The following DSCAM variants were observed in gnomAD, a reference collection of about 807,000 sequenced individuals.
The protein encoded by DSCAM is DS cell adhesion molecule, also known as cell adhesion molecule DSCAM.
In DSCAM, 47 loss-of-function variants were observed where a neutral mutation model predicts 217.7. That is an observed-to-expected ratio of 0.22 (90% CI 0.17 to 0.28). DSCAM has a LOEUF of 0.28. DSCAM is among the 10% of genes least tolerant of loss of function. The pLI is 1.00. For missense variants in DSCAM, 2,080 were observed against 2,618.3 expected (o/e 0.79, Z 4.49); for synonymous variants, 1,056 against 1,015.3 (o/e 1.04, Z -0.76).
At chr21:40,732,418 A>G (rs1029498189) in intron 1 of DSCAM, among the ~76,000 whole-genome samples, 1 of 152,220 alleles carries the variant, frequency 6.6e-6, no homozygotes, top group African/African-American at 2.4e-5. Context: ...ACTCAGCAAT[A>G]TCTAGTCTCT....
In DSCAM at chr21:40,501,839, C is replaced by T. The variant is rs11910569; in HGVS notation, c.509-132594G>A. Reference sequence around the variant, plus strand: ...ACTCCCGACCTCAGGTGATCCACCCCCACCTTGGCCTCCCAAAGTGCTGGG... The same window carrying T: ...ACTCCCGACCTCAGGTGATCCACCCTCACCTTGGCCTCCCAAAGTGCTGGG... On this transcript the variant is annotated intron_variant, in intron 3 of 32. Transcript: ENST00000400454. Among the ~76,000 whole-genome samples the T allele has an allele frequency of 8.8e-3, 1,339 of 152,288 alleles. 23 individuals carry two copies. Among genetic ancestry groups the T allele is most frequent in the African/African-American group, 0.03 (1,267 of 41,556 alleles).
chr21:40,687,368 G>C (rs2090490672), intron 3 of DSCAM, among the ~76,000 whole-genome samples: 1 of 152,080 alleles, frequency 6.6e-6, no homozygotes, highest in Non-Finnish European at 1.5e-5. Context: ...TTTGAGGGCA[G>C]ACTCAGGTCT....
chr21:40,110,817 G>T (rs2089889323), intron 20 of DSCAM, among the ~76,000 whole-genome samples: 1 of 152,214 alleles, frequency 6.6e-6, no homozygotes, highest in South Asian at 2.1e-4. Context: ...GGGTATCAGT[G>T]ATGGAAGATC....
rs1601221327 is a variant in DSCAM, at chr21:40,011,606, C to T, written c.*1428G>A. 7.8e-6 allele frequency: 1 copy of T among 127,842 alleles called. No homozygotes were observed. Among genetic ancestry groups the T allele is most frequent in the Non-Finnish European group, 1.7e-5 (1 of 60,406 alleles). The allele number at this position is 127,842 out of a possible 1,614,324, so 7.9% of individuals were successfully genotyped here. On this transcript the variant is annotated 3_prime_UTR_variant, in exon 33 of 33. Transcript: ENST00000400454. ...GTTGCAGCCAGGGGAGGATTACATC[C>T]TCTTTCATAAAGCAAACCCTGTGAG...
intron 3 of DSCAM, among the ~76,000 whole-genome samples, chr21:40,638,229 G>A (rs945234686): frequency 5.3e-5 from 8 of 152,094 alleles, no homozygotes; most frequent in South Asian, 4.1e-4. Context: ...TGCTGTGTAC[G>A]TCAGGTGTTG....
chr21:40,635,474 G>C (rs553768988), intron 3 of DSCAM, among the ~76,000 whole-genome samples: 1 of 152,262 alleles, frequency 6.6e-6, no homozygotes, highest in South Asian at 2.1e-4. Context: ...AAGAAAGAGA[G>C]AGGGAGGCAG....
intron 32 of DSCAM, among the ~76,000 whole-genome samples, chr21:40,020,912 G>A (rs930509990): frequency 1.3e-5 from 2 of 152,278 alleles, no homozygotes; most frequent in African/African-American, 4.8e-5. Context: ...TGAGGCCAAT[G>A]CCCTTCCTGT....
At chr21:40,291,773 C>A (rs2073895628) in intron 10 of DSCAM, among the ~76,000 whole-genome samples, 1 of 152,216 alleles carries the variant, frequency 6.6e-6, no homozygotes, top group Admixed American at 6.5e-5. Context: ...CGTCACCCCC[C>A]AGGCATGCTC....
At chr21:40,606,067 C>G (rs547671198) in intron 3 of DSCAM, among the ~76,000 whole-genome samples, 1 of 152,132 alleles carries the variant, frequency 6.6e-6, no homozygotes, top group South Asian at 2.1e-4. Flanking sequence ...TCCCAAAGTG[C>G]TGGGATTACA....
Position 40,079,968 on chromosome 21 carries a change from G to A in DSCAM, c.4420+184C>T, listed in dbSNP as rs544692465. Among the ~76,000 whole-genome samples the A allele has an allele frequency of 3.9e-5, 6 of 152,172 alleles. No homozygotes were observed. In the East Asian group the frequency reaches 9.8e-4, roughly 25 times the overall value. ...CTGCAAATGAAACAATAAAAGAGAG[G>A]ACCAGAACACTCTGGAAGGTCCAGC... On this transcript the variant is annotated intron_variant, in intron 25 of 32. Transcript: ENST00000400454.
At chr21:40,402,215 C>T (rs977860927) in intron 3 of DSCAM, among the ~76,000 whole-genome samples, 3 of 150,984 alleles carry the variant, frequency 2.0e-5, no homozygotes, top group South Asian at 4.2e-4. Context: ...TACAGGCGCC[C>T]GCCACCACGC....
chr21:40,235,464 T>C (rs1164958495), intron 11 of DSCAM, among the ~76,000 whole-genome samples: 1 of 152,216 alleles, frequency 6.6e-6, no homozygotes, highest in Admixed American at 6.5e-5. Flanking sequence ...AGCTGCTACT[T>C]CGGTCTGTGT....
rs201136600 is a variant in DSCAM at position 40,679,785 on chromosome 21, A to AG, written c.508+13024dup. Among the ~76,000 whole-genome samples, 192 of 152,352 alleles carry AG rather than the reference A, an allele frequency of 1.3e-3. 4 individuals carry two copies. The East Asian group carries it at 0.032, about 25-fold the overall frequency. ...TTATTTTAAAATCCTACAGACTATT[A>AG]GTTCAATAGCATTCTAATGCTTTTA... On this transcript the variant is annotated intron_variant, in intron 3 of 32. Coordinates refer to ENST00000400454, the MANE Select transcript of DSCAM (RefSeq NM_001389.5).
At chr21:40,394,360 C>A (rs2075160137) in intron 3 of DSCAM, among the ~76,000 whole-genome samples, 1 of 152,224 alleles carries the variant, frequency 6.6e-6, no homozygotes, top group Non-Finnish European at 1.5e-5. Context: ...ACAATCTAGG[C>A]TTGCCTGACT....
intron 3 of DSCAM, among the ~76,000 whole-genome samples, chr21:40,464,354 G>A (rs1313849444): frequency 1.3e-5 from 2 of 152,214 alleles, no homozygotes; most frequent in African/African-American, 4.8e-5. Flanking sequence ...TAGGTAGCAT[G>A]TTAGAAAGTG....
chr21:40,252,099 A>T (rs2073312632), intron 11 of DSCAM, among the ~76,000 whole-genome samples: 1 of 152,180 alleles, frequency 6.6e-6, no homozygotes, highest in South Asian at 2.1e-4. Context: ...GACATTGAGA[A>T]AGCTGTTTGT....
intron 8 of DSCAM, among the ~76,000 whole-genome samples, chr21:40,319,283 T>G (rs369446002): frequency 1.5e-4 from 23 of 152,232 alleles, no homozygotes; most frequent in African/African-American, 5.5e-4. Flanking sequence ...CTGGCCACAT[T>G]CTCCATTCTA....
At chr21:40,357,805 T>C (rs2074711516) in intron 4 of DSCAM, among the ~76,000 whole-genome samples, 1 of 151,846 alleles carries the variant, frequency 6.6e-6, no homozygotes, top group Non-Finnish European at 1.5e-5. Flanking sequence ...GGCACATGTA[T>C]ATATATGTAA....
intron 3 of DSCAM, among the ~76,000 whole-genome samples, chr21:40,549,778 G>A (rs60937574): frequency 0.035 from 5,359 of 152,210 alleles, 322 homozygotes; most frequent in African/African-American, 0.12. Context: ...CAGGGAGAAG[G>A]GCTGTGGTGA....
Sources: gnomAD v4.1 joint callset for allele counts (sites outside exome capture counted in the v4.1 genomes callset) on GRCh38, gnomAD v4.1.1 for gene constraint, MANE v1.5 for transcripts, NCBI Gene and HGNC (gene_info 2026-07-23, HGNC 2026-07-21) for gene names.